ELOC: variants seen among roughly 807,000 people sequenced by gnomAD.
ELOC encodes elongin C, also known as elongin-C.
For missense variants in ELOC, 38 were observed against 139.0 expected, an observed-to-expected ratio of 0.27 and a Z score of 3.65; for synonymous variants, 40 against 51.3, an observed-to-expected ratio of 0.78 and a Z score of 0.94.
At chr8:73,961,343 G>A (rs72661851) in intron 1 of ELOC, among the ~76,000 whole-genome samples, 46,397 of 151,972 alleles carry the variant, frequency 0.31, 7,339 homozygotes, top group Admixed American at 0.39. Flanking sequence ...ACACTTCAAC[G>A]CAGAAAAGGA....
chr8:73,970,013 G>A (rs1314140358), intron 1 of ELOC, among the ~76,000 whole-genome samples: 1 of 152,222 alleles, frequency 6.6e-6, no homozygotes, highest in Non-Finnish European at 1.5e-5. Flanking sequence ...TAGCTGGCCA[G>A]ATTTGGTGGT....
At chr8:73,959,012 GGTAA>G (rs1356062739) in intron 2 of ELOC, among the ~76,000 whole-genome samples, 1 of 152,090 alleles carries the variant, frequency 6.6e-6, no homozygotes, top group Non-Finnish European at 1.5e-5. Context: ...GTAACATGAG[GGTAA>G]GTATTTGTGT....
At chr8:73,953,549 C>T (rs913338611) in intron 3 of ELOC, among the ~76,000 whole-genome samples, 1 of 148,666 alleles carries the variant, frequency 6.7e-6, no homozygotes, top group Admixed American at 6.7e-5. Flanking sequence ...GGGGCGCATG[C>T]CTGTAATCAC....
chr8:73,946,398 G>A lies in ELOC; in HGVS notation c.*232C>T, dbSNP rs762443630. ...CAAAGGATAAGGCAAAACCACCTAC[G>A]AATTGGCATATTTGTTTATTTCTCA... On this transcript the variant is annotated 3_prime_UTR_variant, in exon 4 of 4. Transcript: ENST00000520242. 1.5e-5 allele frequency: 6 copies of A among 397,970 alleles called. No individual in the cohort carries two copies. Among genetic ancestry groups the A allele is most frequent in the Non-Finnish European group, 2.2e-5 (5 of 223,428 alleles). The allele number at this position is 397,970 out of a possible 1,614,324, so 24.7% of individuals were successfully genotyped here.
intron 1 of ELOC, chr8:73,970,699 GA>G (rs1191553034): frequency 6.6e-6 from 1 of 152,050 alleles, no homozygotes; most frequent in Non-Finnish European, 1.5e-5. Flanking sequence ...TAACTGAATA[GA>G]AAAGGAAACA....
rs1021822856 is a variant in ELOC, at chr8:73,946,343, A to G, written c.*287T>C. 2 of 269,832 alleles carry G rather than the reference A, an allele frequency of 7.4e-6. No individual in the cohort carries two copies. The highest frequency in any genetic ancestry group is 9.7e-5 in the South Asian group (1 of 10,300). The allele number at this position is 269,832 out of a possible 1,614,324, so 16.7% of individuals were successfully genotyped here. ...TTACACCTAAATTTCAGTATTTACT[A>G]TATCATCATTGCTGATTTTAAGTCA... On this transcript the variant is annotated 3_prime_UTR_variant, in exon 4 of 4. Transcript: ENST00000520242.
intron 1 of ELOC, among the ~76,000 whole-genome samples, chr8:73,961,107 A>C (rs1814561155): frequency 6.6e-6 from 1 of 152,220 alleles, no homozygotes; most frequent in Admixed American, 6.5e-5. Flanking sequence ...GAGAAATTAT[A>C]AATTTGACAA....
At chr8:73,961,812 G>T (rs1389972163) in intron 1 of ELOC, among the ~76,000 whole-genome samples, 1 of 152,014 alleles carries the variant, frequency 6.6e-6, no homozygotes, top group Non-Finnish European at 1.5e-5. Context: ...AGAGAAAATA[G>T]GCAGCACTAA....
intron 3 of ELOC, among the ~76,000 whole-genome samples, chr8:73,955,111 T>C (rs181223337): frequency 1.0e-4 from 15 of 149,862 alleles, no homozygotes; most frequent in African/African-American, 3.4e-4. Flanking sequence ...TTGAAACTTA[T>C]AGGATAAATA....
At position 73,948,577 on chromosome 8, in the gene ELOC, A is replaced by G. The variant is rs191386521; in HGVS notation, c.149-1757T>C. ...AGAGCAAGACTCCGTCTTAAAAGAT[A>G]AAACAAAACAAACAAAAAACCTATT... On this transcript the variant is annotated intron_variant, in intron 3 of 3. Coordinates refer to ENST00000520242, the MANE Select transcript of ELOC (RefSeq NM_005648.4). 4.4e-3 allele frequency among the ~76,000 whole-genome samples: 670 copies of G among 152,330 alleles called. 1 individual carries two copies. Among genetic ancestry groups the G allele is most frequent in the African/African-American group, 0.015 (618 of 41,584 alleles).
intron 1 of ELOC, among the ~76,000 whole-genome samples, chr8:73,962,785 T>G (rs1586613917): frequency 6.6e-6 from 1 of 152,340 alleles, no homozygotes; most frequent in East Asian, 1.9e-4. Flanking sequence ...TTCCATCATT[T>G]TATACAACAG....
At chr8:73,970,858 ACAAAAC>A (rs1815314751) in intron 1 of ELOC, among the ~76,000 whole-genome samples, 2 of 137,156 alleles carry the variant, frequency 1.5e-5, no homozygotes, top group African/African-American at 5.9e-5. Flanking sequence ...CTACTAAAAA[ACAAAAC>A]AAAACAAAAA....
At chr8:73,953,544 G>A (rs1057126905) in intron 3 of ELOC, among the ~76,000 whole-genome samples, 48 of 150,134 alleles carry the variant, frequency 3.2e-4, no homozygotes, top group Non-Finnish European at 6.2e-4. Context: ...GCGTGGGGGC[G>A]CATGCCTGTA....
intron 3 of ELOC, among the ~76,000 whole-genome samples, chr8:73,947,987 G>C (rs1813494703): frequency 6.6e-6 from 1 of 152,096 alleles, no homozygotes; most frequent in African/African-American, 2.4e-5. Context: ...GAGGTCAAGA[G>C]TTCGAGAGCA....
At chr8:73,958,092 G>GT (rs34797762) in intron 2 of ELOC, among the ~76,000 whole-genome samples, 30,274 of 134,058 alleles carry the variant, frequency 0.23, 3,654 homozygotes, top group Non-Finnish European at 0.28. Context: ...TTTATTTATG[G>GT]TTTTTTTTTT....
At position 73,955,396 on chromosome 8, in the gene ELOC, A is replaced by C. The variant is rs144853670; in HGVS notation, c.148+515T>G. 7.2e-3 allele frequency: 1,098 copies of C among 153,492 alleles called. 19 individuals are homozygous for C. The highest frequency in any genetic ancestry group is 0.025 in the African/African-American group (1,051 of 41,546). The allele number at this position is 153,492 out of a possible 1,614,324, so 9.5% of individuals were successfully genotyped here. ...TGAGGTGGGTGGATCACTTGAGGTC[A>C]GGAGTTCGAGACCAGCCTGGCCAAC... On this transcript the variant is annotated intron_variant, in intron 3 of 3. Transcript: ENST00000520242.
chr8:73,956,084 T>C (rs756138527), intron 2 of ELOC, 30 bp from the exon 3 acceptor site: 1 of 1,602,476 alleles, frequency 6.2e-7, no homozygotes, highest in Non-Finnish European at 8.5e-7. Flanking sequence ...GAAACAATTT[T>C]TGAGTCACAC....
At chr8:73,955,727 T>C (rs1013726160) in intron 3 of ELOC, 184 bp downstream of exon 3, 1 of 693,180 alleles carries the variant, frequency 1.4e-6, no homozygotes, top group Non-Finnish European at 2.5e-6. Flanking sequence ...ACCGCACCAT[T>C]GCACTCCAGC....
At chr8:73,952,480 T>TAA (rs754933689) in intron 3 of ELOC, among the ~76,000 whole-genome samples, 5 of 133,356 alleles carry the variant, frequency 3.7e-5, no homozygotes, top group African/African-American at 1.1e-4. Context: ...ATGACACCAT[T>TAA]AAAAAAAAAA....
Sources: gnomAD v4.1 joint callset for allele counts (sites outside exome capture counted in the v4.1 genomes callset) on GRCh38, gnomAD v4.1.1 for gene constraint, MANE v1.5 for transcripts, NCBI Gene and HGNC (gene_info 2026-07-23, HGNC 2026-07-21) for gene names.